NCKAP5: variants seen among roughly 807,000 people sequenced by gnomAD.
NCKAP5 encodes NCK associated protein 5.
NCKAP5 carries 92 observed loss-of-function variants against 167.0 expected under a neutral mutation model. That is an observed-to-expected ratio of 0.55 (90% CI 0.47 to 0.66). The LOEUF (loss-of-function observed/expected upper bound fraction) is 0.66, where lower values mean the gene tolerates loss of function less well. NCKAP5 is among the 30% of genes least tolerant of loss of function. The pLI is 0.00. For missense variants in NCKAP5, 2,378 were observed against 2,315.0 expected, an observed-to-expected ratio of 1.03 and a Z score of -0.56; for synonymous variants, 891 against 877.4, an observed-to-expected ratio of 1.02 and a Z score of -0.27.
chr2:133,000,740 C>T (rs537044767), intron 6 of NCKAP5, among the ~76,000 whole-genome samples: 2 of 152,092 alleles, frequency 1.3e-5, no homozygotes, highest in Admixed American at 1.3e-4. Flanking sequence ...AAATTCAAAA[C>T]AGGTGTCCAT....
intron 7 of NCKAP5, among the ~76,000 whole-genome samples, chr2:132,982,820 T>A (rs12472644): frequency 0.18 from 27,455 of 152,164 alleles, 2,660 homozygotes; most frequent in East Asian, 0.42. Flanking sequence ...TCCAACTGCA[T>A]CCATGTTGCT....
intron 8 of NCKAP5, among the ~76,000 whole-genome samples, chr2:132,957,938 C>T (rs529423129): frequency 3.5e-4 from 54 of 152,284 alleles, no homozygotes; most frequent in Middle Eastern, 6.8e-3. Flanking sequence ...TCTTTCTACA[C>T]GGCTCTCTAT....
At chr2:133,131,661 C>G (rs2082605935) in intron 5 of NCKAP5, among the ~76,000 whole-genome samples, 1 of 151,978 alleles carries the variant, frequency 6.6e-6, no homozygotes, top group African/African-American at 2.4e-5. Context: ...ATCAGAAAAA[C>G]TAAAATCAAA....
intron 3 of NCKAP5, among the ~76,000 whole-genome samples, chr2:133,370,702 A>AT (rs57830853): frequency 0.048 from 6,600 of 138,628 alleles, 260 homozygotes; most frequent in African/African-American, 0.1. Context: ...TGGCTAACGT[A>AT]TTTTTTTTTT....
the NCKAP5 span, among the ~76,000 whole-genome samples, chr2:133,597,832 T>C: frequency 6.6e-6 from 1 of 152,158 alleles, no homozygotes; most frequent in African/African-American, 2.4e-5. Flanking sequence ...AGGTTCTTTC[T>C]GAGTGTGGTG....
In NCKAP5 at chr2:133,178,976, C is replaced by T. The variant is rs963906786; in HGVS notation, c.207+34740G>A. 5.9e-5 allele frequency among the ~76,000 whole-genome samples: 9 copies of T among 151,866 alleles called. 1 individual carries two copies. The highest frequency in any genetic ancestry group is 2.2e-4 in the African/African-American group (9 of 41,342). ...AGGCCAGGAATTCAAAACCAGCCTG[C>T]GTAACATAGGGAGACCTTATCTCTA... On this transcript the variant is annotated intron_variant, in intron 5 of 19. Transcript: ENST00000409261.
intron 11 of NCKAP5, among the ~76,000 whole-genome samples, chr2:132,799,166 G>T (rs745398163): frequency 3.3e-5 from 5 of 151,980 alleles, no homozygotes; most frequent in Non-Finnish European, 5.9e-5. Flanking sequence ...ACCAAATACT[G>T]CATGTTCTCA....
intron 3 of NCKAP5, among the ~76,000 whole-genome samples, chr2:133,370,917 G>C (rs1034385267): frequency 6.6e-5 from 10 of 152,120 alleles, no homozygotes; most frequent in African/African-American, 2.2e-4. Context: ...TGTATAAAAT[G>C]CTTATTGACC....
intron 3 of NCKAP5, among the ~76,000 whole-genome samples, chr2:133,392,485 G>T (rs1438065105): frequency 6.6e-6 from 1 of 152,104 alleles, no homozygotes; most frequent in African/African-American, 2.4e-5. Context: ...TTTAAAAACA[G>T]TATAATTATG....
At chr2:133,302,890 C>G (rs1574647293) in intron 4 of NCKAP5, 147 bp downstream of exon 4, 2 of 474,970 alleles carry the variant, frequency 4.2e-6, no homozygotes. Flanking sequence ...TTTTGCCATT[C>G]CAAGATGATA....
chr2:133,242,984 C>T (rs1440392559), intron 4 of NCKAP5, among the ~76,000 whole-genome samples: 1 of 152,124 alleles, frequency 6.6e-6, no homozygotes, highest in Non-Finnish European at 1.5e-5. Flanking sequence ...AGAAAGACTT[C>T]CTCATAATCA....
chr2:133,557,372 C>T (rs1288845177), intron 2 of NCKAP5, among the ~76,000 whole-genome samples: 1 of 152,164 alleles, frequency 6.6e-6, no homozygotes, highest in Non-Finnish European at 1.5e-5. Context: ...GAGAGGCCAG[C>T]TTCTTGGCCA....
At chr2:133,280,702 T>C (rs903807249) in intron 4 of NCKAP5, among the ~76,000 whole-genome samples, 4 of 152,346 alleles carry the variant, frequency 2.6e-5, no homozygotes, top group East Asian at 1.9e-4. Flanking sequence ...AAATTCATTC[T>C]AGATCAGGAA....
At chr2:132,712,025 T>C (rs1688892529) in intron 19 of NCKAP5, among the ~76,000 whole-genome samples, 1 of 152,230 alleles carries the variant, frequency 6.6e-6, no homozygotes, top group Non-Finnish European at 1.5e-5. Context: ...GGCTTGTTCA[T>C]CACCTGTGCT....
intron 5 of NCKAP5, among the ~76,000 whole-genome samples, chr2:133,177,069 G>C (rs76149064): frequency 2.0e-5 from 3 of 151,778 alleles, no homozygotes; most frequent in African/African-American, 7.2e-5. Flanking sequence ...AGTTATCACT[G>C]ATTTAAGCTA....
At chr2:133,398,601 A>G (rs1441156843) in intron 3 of NCKAP5, among the ~76,000 whole-genome samples, 1 of 152,244 alleles carries the variant, frequency 6.6e-6, no homozygotes, top group African/African-American at 2.4e-5. Context: ...TAAGAATTAG[A>G]GGAAAATATG....
intron 6 of NCKAP5, among the ~76,000 whole-genome samples, chr2:133,081,764 G>T (rs539259318): frequency 1.3e-5 from 2 of 152,220 alleles, no homozygotes; most frequent in African/African-American, 4.8e-5. Context: ...TGGAGCATGG[G>T]AGAAACGTTT....
chr2:133,069,703 C>G (rs1275027132), intron 6 of NCKAP5, among the ~76,000 whole-genome samples: 1 of 152,058 alleles, frequency 6.6e-6, no homozygotes, highest in Admixed American at 6.5e-5. Flanking sequence ...TAAATGAGAA[C>G]AGCTTGCAAG....
intron 3 of NCKAP5, among the ~76,000 whole-genome samples, chr2:133,383,338 C>T (rs1048844642): frequency 6.6e-6 from 1 of 151,994 alleles, no homozygotes; most frequent in Admixed American, 6.6e-5. Flanking sequence ...TTCTTGCGAT[C>T]GTATGCTGAG....
Sources: allele counts gnomAD v4.1 joint callset (sites outside exome capture counted in the v4.1 genomes callset), GRCh38; gene constraint gnomAD v4.1.1; transcripts MANE v1.5; gene names NCBI Gene and HGNC (gene_info 2026-07-23, HGNC 2026-07-21).